The following PRKG1 variants were observed in gnomAD, a reference collection of about 807,000 sequenced individuals.
PRKG1 encodes the protein protein kinase cGMP-dependent 1, also known as cGMP-dependent protein kinase 1.
A neutral mutation model predicts 88.1 loss-of-function variants in PRKG1; 35 were observed. That is an observed-to-expected ratio of 0.40 (90% CI 0.30 to 0.53). The LOEUF (loss-of-function observed/expected upper bound fraction) is 0.53, where lower values mean the gene tolerates loss of function less well. PRKG1 is among the 20% of genes least tolerant of loss of function. PRKG1 has a pLI of 0.59. For synonymous variants in PRKG1, 303 were observed against 292.5 expected, an observed-to-expected ratio of 1.04 and a Z score of -0.37; for missense variants, 540 against 839.8, an observed-to-expected ratio of 0.64 and a Z score of 4.41.
chr10:51,542,442 G>T (rs1413584145), intron 3 of PRKG1, among the ~76,000 whole-genome samples: 4 of 152,118 alleles, frequency 2.6e-5, no homozygotes, highest in African/African-American at 9.7e-5. Flanking sequence ...TAGTGCCCAG[G>T]TAATGAGTAG....
chr10:51,087,347 C>T (rs980792917), intron 1 of PRKG1, among the ~76,000 whole-genome samples: 3 of 152,036 alleles, frequency 2.0e-5, no homozygotes, highest in Non-Finnish European at 4.4e-5. Context: ...AAATATTTGT[C>T]CAACTGTATA....
chr10:51,084,469 T>C (rs1472340397), intron 1 of PRKG1, among the ~76,000 whole-genome samples: 1 of 152,178 alleles, frequency 6.6e-6, no homozygotes, highest in Admixed American at 6.6e-5. Flanking sequence ...GCATCAAAAA[T>C]AAAATAATGT....
At position 52,270,620 on chromosome 10, in the gene PRKG1, A is replaced by T. The variant is rs1446379502; in HGVS notation, c.1174-730A>T. On this transcript the variant is annotated intron_variant, in intron 10 of 17. Transcript: ENST00000373980. ...TCATTCTCAGCAAACTATCGCAAGGACCAAAAACCAAACACCGCATGTTCT... is the reference window on the plus strand; with the variant it reads ...TCATTCTCAGCAAACTATCGCAAGGTCCAAAAACCAAACACCGCATGTTCT... Among the ~76,000 whole-genome samples the T allele has an allele frequency of 5.3e-5, 8 of 151,372 alleles. No individual in the cohort carries two copies. The East Asian group carries it at 1.6e-3, about 30-fold the overall frequency.
chr10:51,109,442 A>T (rs1337850607), intron 1 of PRKG1, among the ~76,000 whole-genome samples: 1 of 152,096 alleles, frequency 6.6e-6, no homozygotes, highest in African/African-American at 2.4e-5. Context: ...ACATATATAG[A>T]TACATGATTT....
chr10:51,549,815 G>C (rs1842536849), intron 3 of PRKG1, among the ~76,000 whole-genome samples: 1 of 152,088 alleles, frequency 6.6e-6, no homozygotes, highest in Non-Finnish European at 1.5e-5. Context: ...GAGAGCAGCT[G>C]CCAAGTTTTT....
intron 1 of PRKG1, among the ~76,000 whole-genome samples, chr10:51,079,558 A>G (rs1306147235): frequency 6.6e-6 from 1 of 152,162 alleles, no homozygotes; most frequent in Non-Finnish European, 1.5e-5. Context: ...GTGCTAAAGT[A>G]CTGTAGTGGG....
chr10:51,317,589 G>C (rs752154440), intron 2 of PRKG1, among the ~76,000 whole-genome samples: 1 of 152,130 alleles, frequency 6.6e-6, no homozygotes, highest in Non-Finnish European at 1.5e-5. Flanking sequence ...CTAACATAAA[G>C]AATAAAAGTG....
intron 2 of PRKG1, among the ~76,000 whole-genome samples, chr10:51,281,346 A>G (rs1373781866): frequency 6.6e-6 from 1 of 152,144 alleles, no homozygotes; most frequent in East Asian, 1.9e-4. Context: ...CCATTCTCAG[A>G]TATCAAACTC....
intron 2 of PRKG1, among the ~76,000 whole-genome samples, chr10:51,256,597 C>G (rs1589284999): frequency 6.6e-6 from 1 of 152,168 alleles, no homozygotes; most frequent in East Asian, 1.9e-4. Context: ...TGTTTGGAGA[C>G]TACTTCATAG....
chr10:51,522,152 G>T (rs925195369), intron 3 of PRKG1, among the ~76,000 whole-genome samples: 2 of 152,030 alleles, frequency 1.3e-5, no homozygotes, highest in Non-Finnish European at 2.9e-5. Flanking sequence ...AGTAATTCCG[G>T]GAAATATTTA....
At chr10:51,159,575 A>G (rs1244672415) in intron 2 of PRKG1, among the ~76,000 whole-genome samples, 2 of 152,172 alleles carry the variant, frequency 1.3e-5, no homozygotes, top group African/African-American at 4.8e-5. Flanking sequence ...GTCTTGAAGC[A>G]CTAAATGTGA....
chr10:52,207,259 G>A (rs1297472298), intron 9 of PRKG1, among the ~76,000 whole-genome samples: 1 of 152,092 alleles, frequency 6.6e-6, no homozygotes, highest in Non-Finnish European at 1.5e-5. Context: ...ATGCTGTGTG[G>A]AGAGGCTGTA....
chr10:51,000,114 G>T (rs185097848), intron 1 of PRKG1, among the ~76,000 whole-genome samples: 2 of 152,232 alleles, frequency 1.3e-5, no homozygotes, highest in Admixed American at 6.5e-5. Flanking sequence ...CTTTACTCTG[G>T]CAGGTTTAAC....
chr10:51,273,452 A>C (rs1414150886), intron 2 of PRKG1, among the ~76,000 whole-genome samples: 1 of 151,942 alleles, frequency 6.6e-6, no homozygotes, highest in Admixed American at 6.6e-5. Flanking sequence ...GGAGTCCAGG[A>C]GGTCGAGGCT....
intron 3 of PRKG1, among the ~76,000 whole-genome samples, chr10:51,615,125 A>G (rs1330498943): frequency 6.6e-6 from 1 of 150,596 alleles, no homozygotes. Context: ...GAATATATCC[A>G]TCTTTGAATA....
intron 3 of PRKG1, among the ~76,000 whole-genome samples, chr10:51,701,965 G>A (rs1841480464): frequency 6.6e-6 from 1 of 152,136 alleles, no homozygotes. Flanking sequence ...TGCTGGTTTG[G>A]AGATCTTTAA....
At chr10:51,751,552 C>G (rs181506671) in intron 3 of PRKG1, among the ~76,000 whole-genome samples, 1 of 152,066 alleles carries the variant, frequency 6.6e-6, no homozygotes, top group Non-Finnish European at 1.5e-5. Flanking sequence ...TTTGGATAAG[C>G]AACAAATAAT....
At chr10:51,854,173 G>T (rs1021689580) in intron 4 of PRKG1, among the ~76,000 whole-genome samples, 1 of 152,014 alleles carries the variant, frequency 6.6e-6, no homozygotes, top group East Asian at 1.9e-4. Context: ...TGGTCAACAG[G>T]CATTATTAAC....
chr10:51,390,307 A>T (rs1182270140), intron 2 of PRKG1, among the ~76,000 whole-genome samples: 1 of 152,186 alleles, frequency 6.6e-6, no homozygotes. Flanking sequence ...CTTTACAGAC[A>T]GGTTCATATT....
Sources: allele counts gnomAD v4.1 joint callset (sites outside exome capture counted in the v4.1 genomes callset), GRCh38; gene constraint gnomAD v4.1.1; transcripts MANE v1.5; gene names NCBI Gene and HGNC (gene_info 2026-07-23, HGNC 2026-07-21).